PBX1: variants seen among roughly 807,000 people sequenced by gnomAD.
PBX1 encodes PBX homeobox 1.
Under a neutral mutation model 53.4 loss-of-function variants are expected in PBX1, and 6 were observed. The ratio of observed to expected loss-of-function variants is 0.11; its 90% confidence interval spans 0.06 to 0.22. The LOEUF is 0.22. Ranked by LOEUF, PBX1 falls within the 10% of genes least tolerant of loss-of-function variation. The pLI is 1.00. For synonymous variants in PBX1, 204 were observed against 212.3 expected, an observed-to-expected ratio of 0.96 and a Z score of 0.34; for missense variants, 251 against 551.4, an observed-to-expected ratio of 0.46 and a Z score of 5.46.
intron 8 of PBX1, among the ~76,000 whole-genome samples, chr1:164,824,214 T>C (rs887420194): frequency 1.3e-5 from 2 of 152,206 alleles, no homozygotes; most frequent in Admixed American, 1.3e-4. Flanking sequence ...AAGCAGCATC[T>C]ATTTTAAGCC....
intron 2 of PBX1, among the ~76,000 whole-genome samples, chr1:164,735,879 A>C (rs1214418868): frequency 6.6e-6 from 1 of 152,202 alleles, no homozygotes; most frequent in Admixed American, 6.5e-5. Context: ...TGGACAAAGC[A>C]TGAGGCATGT....
At chr1:164,748,102 A>G (rs1400322333) in intron 2 of PBX1, among the ~76,000 whole-genome samples, 1 of 152,190 alleles carries the variant, frequency 6.6e-6, no homozygotes, top group African/African-American at 2.4e-5. Context: ...TTGTCAAGCC[A>G]CAGCTAATTA....
At chr1:164,689,364 A>G (rs1249324459) in intron 2 of PBX1, among the ~76,000 whole-genome samples, 4 of 148,596 alleles carry the variant, frequency 2.7e-5, no homozygotes, top group African/African-American at 1.0e-4. Flanking sequence ...TAACCTGTCC[A>G]CAGCTGTGTA....
rs978112691 is a variant in PBX1 at position 164,559,511 on chromosome 1, C to G, written c.-312C>G. 5 of 324,574 alleles carry G rather than the reference C, an allele frequency of 1.5e-5. No individual in the cohort carries two copies. Among genetic ancestry groups the G allele is most frequent in the South Asian group, 2.2e-4 (2 of 9,136 alleles). The allele number at this position is 324,574 out of a possible 1,614,324, so 20.1% of individuals were successfully genotyped here. A position where few individuals can be genotyped will look rare whatever the true frequency, so the allele number is the denominator to read the frequency against. On this transcript the variant is annotated 5_prime_UTR_variant, in exon 1 of 9. Coordinates refer to ENST00000420696, the MANE Select transcript of PBX1 (RefSeq NM_002585.4). ...AAAAACCTAAAGCCAGCTCTGATTT[C>G]TTTTCGCCAAGTGGGAAGGTGGTTT...
At chr1:164,800,090 T>C (rs1225015308) in intron 4 of PBX1, among the ~76,000 whole-genome samples, 1 of 152,186 alleles carries the variant, frequency 6.6e-6, no homozygotes, top group Non-Finnish European at 1.5e-5. Context: ...GGGGATGATC[T>C]TTATCACTAC....
intron 2 of PBX1, chr1:164,787,712 T>G (rs930173889): frequency 1.3e-5 from 2 of 152,204 alleles, no homozygotes; most frequent in Non-Finnish European, 2.9e-5. Context: ...ATCTTAGGAC[T>G]TTTACCAAAG....
chr1:164,739,258 C>A (rs1016229811), intron 2 of PBX1, among the ~76,000 whole-genome samples: 1 of 152,182 alleles, frequency 6.6e-6, no homozygotes, highest in African/African-American at 2.4e-5. Context: ...TGTTCATTTG[C>A]CTAAAATGGG....
intron 1 of PBX1, among the ~76,000 whole-genome samples, chr1:164,561,367 T>A (rs909633834): frequency 2.0e-5 from 3 of 152,218 alleles, no homozygotes; most frequent in Non-Finnish European, 4.4e-5. Context: ...TCAAAAGTAC[T>A]AAGGTTTACG....
intron 5 of PBX1, among the ~76,000 whole-genome samples, chr1:164,809,072 T>C (rs1318746649): frequency 6.6e-6 from 1 of 152,214 alleles, no homozygotes; most frequent in East Asian, 1.9e-4. Flanking sequence ...GGAATGCTTC[T>C]AGGTATGGAC....
chr1:164,646,316 A>T (rs1358881973), intron 2 of PBX1, among the ~76,000 whole-genome samples: 1 of 152,192 alleles, frequency 6.6e-6, no homozygotes, highest in Non-Finnish European at 1.5e-5. Context: ...AATCAATCTG[A>T]TGTTTTTGGC....
intron 2 of PBX1, among the ~76,000 whole-genome samples, chr1:164,669,056 T>C (rs1473188035): frequency 6.6e-6 from 1 of 151,932 alleles, no homozygotes; most frequent in Non-Finnish European, 1.5e-5. Context: ...AAAGGGAATA[T>C]AAAGGGGGTA....
At chr1:164,605,079 C>T (rs1656461326) in intron 2 of PBX1, 1 of 151,914 alleles carries the variant, frequency 6.6e-6, no homozygotes, top group Non-Finnish European at 1.5e-5. Context: ...TAGGCCTAGT[C>T]CAGGGTATTA....
At chr1:164,717,746 A>C (rs1446095835) in intron 2 of PBX1, among the ~76,000 whole-genome samples, 1 of 152,154 alleles carries the variant, frequency 6.6e-6, no homozygotes, top group East Asian at 1.9e-4. Flanking sequence ...CGTCAGAGGT[A>C]GAGCTCAAAA....
intron 2 of PBX1, among the ~76,000 whole-genome samples, chr1:164,660,351 G>A (rs1392974288): frequency 6.6e-6 from 1 of 152,188 alleles, no homozygotes; most frequent in Non-Finnish European, 1.5e-5. Flanking sequence ...CTTACACTGG[G>A]TTTGAAAAGC....
At chr1:164,837,798 C>A (rs74118222) in intron 8 of PBX1, among the ~76,000 whole-genome samples, 1 of 152,166 alleles carries the variant, frequency 6.6e-6, no homozygotes, top group Admixed American at 6.5e-5. Flanking sequence ...GACATGAACA[C>A]GTTATGTGTA....
intron 2 of PBX1, among the ~76,000 whole-genome samples, chr1:164,705,653 T>C (rs914974035): frequency 6.6e-6 from 1 of 152,224 alleles, no homozygotes; most frequent in Admixed American, 6.5e-5. Flanking sequence ...TGCAGAAACA[T>C]GTATATGTAT....
At chr1:164,628,736 A>G (rs1039690692) in intron 2 of PBX1, among the ~76,000 whole-genome samples, 7 of 151,832 alleles carry the variant, frequency 4.6e-5, no homozygotes, top group African/African-American at 1.7e-4. Flanking sequence ...TTCTCTCTCT[A>G]TCTAGATATA....
chr1:164,721,966 G>GA, intron 2 of PBX1, among the ~76,000 whole-genome samples: 1 of 152,148 alleles, frequency 6.6e-6, no homozygotes, highest in East Asian at 1.9e-4. Flanking sequence ...GAAAGAAATA[G>GA]AAAATAAATA....
At chr1:164,616,265 C>T (rs1344111274) in intron 2 of PBX1, among the ~76,000 whole-genome samples, 1 of 150,680 alleles carries the variant, frequency 6.6e-6, no homozygotes, top group African/African-American at 2.4e-5. Flanking sequence ...CTGCTGCTGC[C>T]TGGTGCCCTC....
Sources: allele counts gnomAD v4.1 joint callset (sites outside exome capture counted in the v4.1 genomes callset), GRCh38; gene constraint gnomAD v4.1.1; transcripts MANE v1.5; gene names NCBI Gene and HGNC (gene_info 2026-07-23, HGNC 2026-07-21).